Variants in COL27A1 observed in about 807,000 individuals in gnomAD.
COL27A1 encodes collagen type XXVII alpha 1 chain.
Under a neutral mutation model 251.3 loss-of-function variants are expected in COL27A1, and 106 were observed. The observed-to-expected ratio is 0.42, with a 90% CI of 0.36 to 0.50. The LOEUF (loss-of-function observed/expected upper bound fraction) is 0.50, where lower values mean the gene tolerates loss of function less well. Among genes scored for constraint, COL27A1 ranks in the 20% least tolerant of loss-of-function variants. The probability of loss-of-function intolerance (pLI) is 0.00; values close to 1 mark genes in which losing one functional copy is unlikely to be tolerated. For synonymous variants in COL27A1, 1,000 were observed against 986.3 expected, an observed-to-expected ratio of 1.01 and a Z score of -0.26; for missense variants, 2,325 against 2,522.8, an observed-to-expected ratio of 0.92 and a Z score of 1.68.
At chr9:114,289,739 C>T (rs922275690) in intron 45 of COL27A1, among the ~76,000 whole-genome samples, 4 of 152,092 alleles carry the variant, frequency 2.6e-5, no homozygotes, top group Admixed American at 1.3e-4. Context: ...TTCCCTCCCC[C>T]GGGTGCGCCC....
chr9:114,164,737 A>C (rs541202050), intron 2 of COL27A1, among the ~76,000 whole-genome samples: 1 of 152,232 alleles, frequency 6.6e-6, no homozygotes, highest in Non-Finnish European at 1.5e-5. Flanking sequence ...ATAGTATTTC[A>C]TGATAATAAG....
chr9:114,198,431 G>A (rs1257269518), intron 7 of COL27A1, among the ~76,000 whole-genome samples: 1 of 152,202 alleles, frequency 6.6e-6, no homozygotes, highest in Admixed American at 6.5e-5. Context: ...TCCCAGCTGG[G>A]GAGCTCAAGC....
intron 60 of COL27A1, 37 bp downstream of exon 60, chr9:114,309,515 G>A: frequency 6.5e-7 from 1 of 1,535,364 alleles, no homozygotes; most frequent in Non-Finnish European, 9.0e-7. Context: ...CTTCATGTGG[G>A]GACAACTGGA....
chr9:114,307,582 T>G (rs1338142207), intron 58 of COL27A1, 87 bp from the exon 59 acceptor site: 1 of 919,348 alleles, frequency 1.1e-6, no homozygotes, highest in African/African-American at 1.6e-5. Context: ...GCTCGGCAGG[T>G]CACAAGATGC....
intron 37 of COL27A1, among the ~76,000 whole-genome samples, chr9:114,278,754 T>C (rs915346950): frequency 2.6e-4 from 40 of 151,926 alleles, no homozygotes; most frequent in African/African-American, 9.4e-4. Flanking sequence ...GGAGAGTCAC[T>C]TGGGCCAGAC....
chr9:114,308,074 G>A (rs1341011535), intron 59 of COL27A1, among the ~76,000 whole-genome samples: 2 of 152,206 alleles, frequency 1.3e-5, no homozygotes, highest in African/African-American at 4.8e-5. Flanking sequence ...CTGGCTTGTG[G>A]AACTATGAAT....
rs779082252 is a variant in COL27A1, at chr9:114,168,493, C to A, written c.938C>A (p.Ala313Glu). 1 of 1,613,936 alleles carries A rather than the reference C, an allele frequency of 6.2e-7. No individual in the cohort carries two copies. The highest frequency in any genetic ancestry group is 2.2e-5 in the East Asian group (1 of 44,852). Residue 313 changes from alanine to glutamate, a missense_variant, in exon 3 of 61, where the codon GCG (alanine) becomes GAG (glutamate). Physicochemically the swap from Ala to Glu is moderately radical, Grantham distance 107. Transcript: ENST00000356083. ...TSPTNPHQHMAVGGPAQTPLL... is the reference protein window; with the variant it reads ...TSPTNPHQHMEVGGPAQTPLL... ...CCCACAAACCCTCACCAGCATATGG[C>A]GGTGGGAGGCCCAGCCCAAACCCCG... is the stretch of plus-strand genomic sequence containing the variant.
rs2808771 is a variant in COL27A1 at position 114,169,457 on chromosome 9, C to G, written c.1902C>G (p.Gly634=). 6.5e-7 allele frequency: 1 copy of G among 1,529,524 alleles called. No individual in the cohort carries two copies. Among genetic ancestry groups the G allele is most frequent in the East Asian group, 2.3e-5 (1 of 44,082 alleles). The allele number at this position is 1,529,524 out of a possible 1,614,324, so 94.7% of individuals were successfully genotyped here. A position where few individuals can be genotyped will look rare whatever the true frequency, so the allele number is the denominator to read the frequency against. The change falls in exon 3 of 61, where the codon GGC becomes GGG. Residue 634 remains glycine (G), a synonymous_variant. Transcript: ENST00000356083. ...CTCCGGGACCCAAGGGAGACTGTGGCTTGCCGGTAAGACTGAGTGGGGTCT... is the reference window on the plus strand; with the variant it reads ...CTCCGGGACCCAAGGGAGACTGTGGGTTGCCGGTAAGACTGAGTGGGGTCT... ...MGPPGPKGDC[G]LPGPPGLPGL...
intron 1 of COL27A1, 133 bp from the exon 2 acceptor site, chr9:114,162,582 C>G: frequency 1.5e-6 from 1 of 684,112 alleles, no homozygotes; most frequent in Non-Finnish European, 2.6e-6. Flanking sequence ...AGAGCCTGTA[C>G]CTGGCCTCCT....
chr9:114,297,078 G>C (rs540339670), intron 49 of COL27A1, among the ~76,000 whole-genome samples: 1 of 152,314 alleles, frequency 6.6e-6, no homozygotes, highest in Admixed American at 6.5e-5. Flanking sequence ...GATTACAAAA[G>C]GGTGTGAGGA....
At chr9:114,308,354 A>G (rs1426286661) in intron 59 of COL27A1, among the ~76,000 whole-genome samples, 1 of 152,234 alleles carries the variant, frequency 6.6e-6, no homozygotes, top group African/African-American at 2.4e-5. Flanking sequence ...AATTTATGCC[A>G]CAGTGAGAAG....
chr9:114,271,099 A>G (rs10982127), intron 36 of COL27A1: 58,162 of 384,142 alleles, frequency 0.15, 5,011 homozygotes, highest in African/African-American at 0.2. Context: ...CCAGAGCCAG[A>G]GTCTTTGGTC....
intron 31 of COL27A1, 138 bp from the exon 32 acceptor site, chr9:114,265,284 C>A: frequency 9.1e-7 from 1 of 1,099,246 alleles, no homozygotes; most frequent in Non-Finnish European, 1.3e-6. Context: ...ATCCTCTCTT[C>A]TCTGGGTCTC....
chr9:114,226,878 G>A lies in COL27A1; in HGVS notation c.2467-4201G>A, dbSNP rs116657724. 4.2e-3 allele frequency among the ~76,000 whole-genome samples: 641 copies of A among 152,336 alleles called. 2 individuals carry two copies. Among genetic ancestry groups the A allele is most frequent in the Middle Eastern group, 0.014 (4 of 294 alleles). ...GGCAGCACAGGTGGTGGCCCCATAGGCACACGCAGAAAGGATGGTCAGTGT... is the reference window on the plus strand; with the variant it reads ...GGCAGCACAGGTGGTGGCCCCATAGACACACGCAGAAAGGATGGTCAGTGT... On this transcript the variant is annotated intron_variant, in intron 14 of 60. Transcript: ENST00000356083.
At position 114,162,703 on chromosome 9, in the gene COL27A1, C is replaced by A. The variant is rs1460036482; in HGVS notation, c.63-12C>A. The A allele has an allele frequency of 1.9e-5, 30 of 1,609,364 alleles. No individual in the cohort carries two copies. Among genetic ancestry groups the A allele is most frequent in the Non-Finnish European group, 2.5e-5 (30 of 1,176,798 alleles). On this transcript the variant is annotated splice_polypyrimidine_tract_variant and intron_variant, in intron 1 of 60. Transcript: ENST00000356083. ...GCTGATGCCGCCTCTGCTTGTGTCT[C>A]CTGGTCTCTAGGGGGTTTCTCTTCT...
intron 19 of COL27A1, among the ~76,000 whole-genome samples, chr9:114,238,156 G>A (rs202155700): frequency 1.3e-5 from 2 of 152,280 alleles, no homozygotes; most frequent in East Asian, 1.9e-4. Context: ...TGCAAAATTC[G>A]GGCTTTTGAA....
At chr9:114,307,123 C>G (rs1829107797) in intron 58 of COL27A1, 1 of 190,506 alleles carries the variant, frequency 5.2e-6, no homozygotes, top group African/African-American at 2.4e-5. Context: ...CTGGGGCAAG[C>G]CACGGCCCCA....
chr9:114,250,356 G>A (rs981617977), intron 24 of COL27A1, among the ~76,000 whole-genome samples: 5 of 152,228 alleles, frequency 3.3e-5, no homozygotes, highest in African/African-American at 9.6e-5. Context: ...CTTCTGGCGC[G>A]GGAAGAATGT....
Position 114,195,752 on chromosome 9 carries a change from GC to G in COL27A1, c.2071-205del, listed in dbSNP as rs1451533375. ...CAGTATGTAAAATAGATCAGATGGAGCCGCTGAGTTGAGTGGGGAAGGGGCT... is the reference window on the plus strand; with the variant it reads ...CAGTATGTAAAATAGATCAGATGGAGCGCTGAGTTGAGTGGGGAAGGGGCT... On this transcript the variant is annotated intron_variant, in intron 6 of 60. Coordinates refer to ENST00000356083, the MANE Select transcript of COL27A1 (RefSeq NM_032888.4). Among the ~76,000 whole-genome samples the G allele has an allele frequency of 7.9e-5, 12 of 152,344 alleles. No individual in the cohort carries two copies. In the South Asian group the frequency reaches 2.5e-3, roughly 32 times the overall value.
Sources: allele counts gnomAD v4.1 joint callset (sites outside exome capture counted in the v4.1 genomes callset), GRCh38; gene constraint gnomAD v4.1.1; transcripts MANE v1.5; gene names NCBI Gene and HGNC (gene_info 2026-07-23, HGNC 2026-07-21).